The following IMPG1 variants were observed in gnomAD, a reference collection of about 807,000 sequenced individuals.
IMPG1 encodes the protein interphotoreceptor matrix proteoglycan 1, also known as interphotoreceptor matrix proteoglycan of 150 kDa.
Under a neutral mutation model 92.0 loss-of-function variants are expected in IMPG1, and 85 were observed. That is an observed-to-expected ratio of 0.92 (90% CI 0.78 to 1.11). The LOEUF (loss-of-function observed/expected upper bound fraction) is 1.11. Among genes scored for constraint, IMPG1 ranks in the 50% least tolerant of loss-of-function variants. IMPG1 has a pLI of 0.00. For synonymous variants in IMPG1, 367 were observed against 334.1 expected (o/e 1.10, Z -1.08); for missense variants, 1,022 against 956.0 (o/e 1.07, Z -0.91).
At chr6:76,071,062 T>C (rs1266459153) in intron 1 of IMPG1, among the ~76,000 whole-genome samples, 7 of 150,962 alleles carry the variant, frequency 4.6e-5, no homozygotes, top group South Asian at 4.2e-4. Flanking sequence ...GCAGTTTTCT[T>C]GATAAGCTTA....
intron 1 of IMPG1, among the ~76,000 whole-genome samples, chr6:76,064,301 A>G (rs1784264493): frequency 6.6e-6 from 1 of 151,616 alleles, no homozygotes; most frequent in Non-Finnish European, 1.5e-5. Context: ...TGCATAGAAC[A>G]GGGCTGAGGG....
At chr6:75,926,726 A>G (rs1781559513) in intron 15 of IMPG1, among the ~76,000 whole-genome samples, 1 of 147,136 alleles carries the variant, frequency 6.8e-6, no homozygotes, top group Non-Finnish European at 1.5e-5. Context: ...AACTGATTAC[A>G]CCAAAAAAAG....
At chr6:76,070,609 A>G in intron 1 of IMPG1, among the ~76,000 whole-genome samples, 1 of 152,180 alleles carries the variant, frequency 6.6e-6, no homozygotes, top group African/African-American at 2.4e-5. Context: ...ATATCGTTAT[A>G]TATTAATGGA....
intron 11 of IMPG1, 109 bp downstream of exon 11, chr6:76,003,765 G>A (rs1334072277): frequency 1.5e-5 from 11 of 740,504 alleles, no homozygotes; most frequent in South Asian, 5.2e-5. Context: ...AATTTAATTA[G>A]CATTGCAAAG....
In IMPG1 at chr6:76,022,137, G is replaced by A. The variant is rs41269331; in HGVS notation, c.645C>T (p.Asn215=). ...TTACTGTTGTAGGCATCTTGGTGTC[G>A]TTGAGTGTATTATCGAGAATTTCAT... The part of the protein sequence containing the change: ...LLNEILDNTL[N]DTKMPTTERE... Residue 215 remains asparagine, a synonymous_variant, in exon 6 of 17, where the codon AAC becomes AAT. Transcript: ENST00000369950. 10,945 of 1,584,824 alleles carry A rather than the reference G, an allele frequency of 6.9e-3. 59 individuals carry two copies. The highest frequency in any genetic ancestry group is 8.4e-3 in the Non-Finnish European group (9,715 of 1,158,354).
rs567869679 is a variant in IMPG1 at position 75,923,672 on chromosome 6, T to C, written c.2278A>G (p.Thr760Ala). Residue 760 changes from threonine to alanine, a missense_variant, in exon 16 of 17, where the codon ACT becomes GCT. Thr to Ala is a moderately conservative substitution (Grantham distance 58, BLOSUM62 0). Transcript: ENST00000369950. ...TGATTTTGGAACTTTTTAACACTAG[T>C]TTTGTATGCTTGATTTTCAGAGTGA... ...PDHSENQAYK[T>A]SVKKFQNQQN... is the part of the protein sequence containing the mutation. The C allele has an allele frequency of 1.3e-6, 2 of 1,596,724 alleles. No individual in the cohort carries two copies. The highest frequency in any genetic ancestry group is 2.2e-5 in the South Asian group (2 of 90,286).
intron 4 of IMPG1, among the ~76,000 whole-genome samples, chr6:76,028,871 A>G (rs1452038090): frequency 6.6e-6 from 1 of 152,220 alleles, no homozygotes; most frequent in Non-Finnish European, 1.5e-5. Context: ...AATTTGGAGC[A>G]TGCTTGTTTC....
At chr6:76,004,619 G>T (rs988126643) in intron 10 of IMPG1, among the ~76,000 whole-genome samples, 1 of 152,100 alleles carries the variant, frequency 6.6e-6, no homozygotes, top group African/African-American at 2.4e-5. Context: ...AACCTACTGA[G>T]GACTGCCCTC....
chr6:76,027,256 T>C (rs1783558241), intron 4 of IMPG1, among the ~76,000 whole-genome samples: 1 of 152,238 alleles, frequency 6.6e-6, no homozygotes, highest in African/African-American at 2.4e-5. Flanking sequence ...GGTTATAAAC[T>C]GCTTTTTGGG....
chr6:76,041,707 G>A (rs894000484), intron 2 of IMPG1, among the ~76,000 whole-genome samples, 186 bp downstream of exon 2: 1 of 152,172 alleles, frequency 6.6e-6, no homozygotes, highest in Non-Finnish European at 1.5e-5. Flanking sequence ...AACCATAAGA[G>A]CTGATATCTA....
chr6:75,979,446 C>T (rs1050657384), intron 12 of IMPG1, among the ~76,000 whole-genome samples: 3 of 152,156 alleles, frequency 2.0e-5, no homozygotes, highest in Non-Finnish European at 4.4e-5. Context: ...GACAATGGCC[C>T]TGCTGATCAG....
intron 12 of IMPG1, among the ~76,000 whole-genome samples, chr6:75,956,960 C>T (rs954989819): frequency 1.3e-5 from 2 of 152,062 alleles, no homozygotes; most frequent in African/African-American, 2.4e-5. Flanking sequence ...TGCTCTGTCA[C>T]CCAAGCTGGA....
intron 12 of IMPG1, among the ~76,000 whole-genome samples, chr6:75,962,554 A>C (rs188001012): frequency 6.6e-6 from 1 of 152,308 alleles, no homozygotes; most frequent in African/African-American, 2.4e-5. Flanking sequence ...AGAAGGGATC[A>C]AGGAATCCAA....
At chr6:76,023,510 T>A (rs1369546803) in intron 5 of IMPG1, among the ~76,000 whole-genome samples, 1 of 152,222 alleles carries the variant, frequency 6.6e-6, no homozygotes, top group Non-Finnish European at 1.5e-5. Context: ...GGGTTTGTCT[T>A]CGAGCACATT....
At chr6:75,999,701 G>A (rs1782954968) in intron 12 of IMPG1, among the ~76,000 whole-genome samples, 1 of 152,160 alleles carries the variant, frequency 6.6e-6, no homozygotes, top group South Asian at 2.1e-4. Flanking sequence ...GAAAGCATAT[G>A]GATCTGCTCT....
At chr6:76,013,274 A>G (rs1783223128) in intron 7 of IMPG1, among the ~76,000 whole-genome samples, 1 of 152,080 alleles carries the variant, frequency 6.6e-6, no homozygotes, top group Non-Finnish European at 1.5e-5. Context: ...CCCCACCCCC[A>G]GGTACCTTAC....
At chr6:75,987,885 G>T (rs1229303314) in intron 12 of IMPG1, among the ~76,000 whole-genome samples, 1 of 152,098 alleles carries the variant, frequency 6.6e-6, no homozygotes, top group Non-Finnish European at 1.5e-5. Flanking sequence ...CTGACCTCGT[G>T]ATCCACCCAC....
At chr6:75,993,490 G>T (rs574864549) in intron 12 of IMPG1, among the ~76,000 whole-genome samples, 1 of 149,094 alleles carries the variant, frequency 6.7e-6, no homozygotes, top group South Asian at 2.1e-4. Context: ...GAGAGAAAGG[G>T]AGAGAAAGGG....
In IMPG1 at chr6:76,014,815, T is replaced by C. The variant is rs552664939; in HGVS notation, c.808-3591A>G. ...TCCTCTCCAGGAGGGCTCCATGGCA[T>C]TGGCTTGGGTGGAAGGGATTTATTG... On this transcript the variant is annotated intron_variant, in intron 7 of 16. Transcript: ENST00000369950. 1.2e-4 allele frequency among the ~76,000 whole-genome samples: 19 copies of C among 152,238 alleles called. No individual in the cohort carries two copies. In the South Asian group the frequency reaches 3.9e-3, roughly 32 times the overall value.
Sources: allele counts gnomAD v4.1 joint callset (sites outside exome capture counted in the v4.1 genomes callset), GRCh38; gene constraint gnomAD v4.1.1; transcripts MANE v1.5; gene names NCBI Gene and HGNC (gene_info 2026-07-23, HGNC 2026-07-21).